The following LGALS2 variants were observed in gnomAD, a reference collection of about 807,000 sequenced individuals.
LGALS2 encodes the protein galectin 2.
LGALS2 carries 7 observed loss-of-function variants against 10.1 expected under a neutral mutation model. The ratio of observed to expected loss-of-function variants is 0.70; its 90% CI spans 0.40 to 1.31. LGALS2 has a LOEUF of 1.31. LGALS2 is among the 50% of genes most tolerant of loss of function. LGALS2 has a pLI of 0.01. For synonymous variants in LGALS2, 86 were observed against 64.2 expected (o/e 1.34, Z -1.63); for missense variants, 167 against 163.6 (o/e 1.02, Z -0.11).
intron 1 of LGALS2, 91 bp downstream of exon 1, chr22:37,579,809 G>T: frequency 7.4e-7 from 1 of 1,359,818 alleles, no homozygotes; most frequent in Non-Finnish European, 1.0e-6. Flanking sequence ...GGCCCAGAGA[G>T]GGACAGCAAT....
At chr22:37,579,396 C>T (rs1925783652) in intron 1 of LGALS2, among the ~76,000 whole-genome samples, 2 of 152,052 alleles carry the variant, frequency 1.3e-5, no homozygotes, top group African/African-American at 4.8e-5. Flanking sequence ...ATGATTGCCA[C>T]CACTGCACTC....
At chr22:37,574,697 G>A (rs913905876) in intron 1 of LGALS2, among the ~76,000 whole-genome samples, 8 of 151,952 alleles carry the variant, frequency 5.3e-5, no homozygotes, top group African/African-American at 1.7e-4. Flanking sequence ...TGCCCTGAAT[G>A]AGCTCATTGG....
Position 37,570,260 on chromosome 22 carries a change from C to G in LGALS2, c.*3G>C. On this transcript the variant is annotated 3_prime_UTR_variant, in exon 4 of 4. Coordinates refer to ENST00000215886, the MANE Select transcript of LGALS2 (RefSeq NM_006498.3). ...AGGACAGAGAATCTCGGCTGGAAGTCTTTTATTCTTTTAACTTGAAAGAGG... is the reference window on the plus strand; with the variant it reads ...AGGACAGAGAATCTCGGCTGGAAGTGTTTTATTCTTTTAACTTGAAAGAGG... 2 of 1,601,100 alleles carry G rather than the reference C, an allele frequency of 1.2e-6. No homozygotes were observed. Among genetic ancestry groups the G allele is most frequent in the Middle Eastern group, 1.7e-4 (1 of 6,010 alleles).
chr22:37,570,776 C>G, intron 2 of LGALS2, 41 bp from the exon 3 acceptor site: 1 of 1,612,900 alleles, frequency 6.2e-7, no homozygotes. Context: ...AGGGCTCAGG[C>G]CTGGATAAAG....
At chr22:37,577,343 C>T (rs1925716503) in intron 1 of LGALS2, among the ~76,000 whole-genome samples, 1 of 143,580 alleles carries the variant, frequency 7.0e-6, no homozygotes, top group African/African-American at 2.5e-5. Flanking sequence ...TGGAACCTGT[C>T]AATGTGACCT....
chr22:37,573,556 A>T (rs1038554392), intron 1 of LGALS2, among the ~76,000 whole-genome samples: 1 of 152,064 alleles, frequency 6.6e-6, no homozygotes, highest in East Asian at 1.9e-4. Flanking sequence ...TTGTTGCTGA[A>T]TGCCAGCTGT....
chr22:37,572,135 CCT>C (rs1419162289), intron 1 of LGALS2, among the ~76,000 whole-genome samples: 17 of 152,328 alleles, frequency 1.1e-4, no homozygotes, highest in Admixed American at 9.8e-4. Context: ...CACTCCCTGC[CCT>C]GTTTTGCTCT....
At chr22:37,571,155 C>G (rs775993904) in intron 2 of LGALS2, among the ~76,000 whole-genome samples, 1 of 152,172 alleles carries the variant, frequency 6.6e-6, no homozygotes, top group Non-Finnish European at 1.5e-5. Flanking sequence ...TGCAGGGTTC[C>G]TGAAAGTGGG....
chr22:37,572,962 T>C (rs1925549258), intron 1 of LGALS2, among the ~76,000 whole-genome samples: 1 of 146,122 alleles, frequency 6.8e-6, no homozygotes, highest in Admixed American at 6.8e-5. Flanking sequence ...CAAGAGTGAC[T>C]TTTCATCTCA....
chr22:37,573,730 G>GTT (rs11311539), intron 1 of LGALS2, among the ~76,000 whole-genome samples: 13 of 148,458 alleles, frequency 8.8e-5, no homozygotes, highest in African/African-American at 2.2e-4. Flanking sequence ...TTCTTTTTTT[G>GTT]TTTTTTTTTT....
At chr22:37,577,573 T>A (rs1925728515) in intron 1 of LGALS2, among the ~76,000 whole-genome samples, 1 of 151,200 alleles carries the variant, frequency 6.6e-6, no homozygotes, top group Non-Finnish European at 1.5e-5. Context: ...CAGACAGGGT[T>A]TCACCATGTT....
At chr22:37,575,735 G>A (rs1379599273) in intron 1 of LGALS2, among the ~76,000 whole-genome samples, 2 of 152,088 alleles carry the variant, frequency 1.3e-5, no homozygotes, top group Non-Finnish European at 2.9e-5. Flanking sequence ...GATTACAGGT[G>A]TAAGCCACTG....
At chr22:37,576,324 C>A (rs1019262637) in intron 1 of LGALS2, among the ~76,000 whole-genome samples, 1 of 151,696 alleles carries the variant, frequency 6.6e-6, no homozygotes, top group Non-Finnish European at 1.5e-5. Flanking sequence ...TGGTGGCAGG[C>A]GCCTGTAGTC....
chr22:37,579,314 G>C (rs951398128), intron 1 of LGALS2, among the ~76,000 whole-genome samples: 1 of 151,774 alleles, frequency 6.6e-6, no homozygotes, highest in Non-Finnish European at 1.5e-5. Flanking sequence ...GTGAGTGCCT[G>C]GGGTCCCAGC....
intron 1 of LGALS2, among the ~76,000 whole-genome samples, chr22:37,576,266 C>T (rs901892204): frequency 6.6e-6 from 1 of 151,912 alleles, no homozygotes; most frequent in Non-Finnish European, 1.5e-5. Flanking sequence ...TCCTGGCTAA[C>T]ACGGTGAAAC....
intron 1 of LGALS2, 65 bp from the exon 2 acceptor site, chr22:37,571,996 A>G: frequency 1.5e-6 from 2 of 1,362,728 alleles, no homozygotes; most frequent in Non-Finnish European, 2.1e-6. Flanking sequence ...CTTGCCCAGC[A>G]GCTTCATCCA....
Position 37,572,659 on chromosome 22 carries a change from C to T in LGALS2, c.7-728G>A, listed in dbSNP as rs113965755. Among the ~76,000 whole-genome samples the T allele has an allele frequency of 2.6e-4, 40 of 151,366 alleles. No homozygotes were observed. The South Asian group carries it at 6.9e-3, about 26-fold the overall frequency. On this transcript the variant is annotated intron_variant, in intron 1 of 3. Coordinates refer to ENST00000215886, the MANE Select transcript of LGALS2 (RefSeq NM_006498.3). ...GCAGGTGCCTGTAGTCCCAGCTACT[C>T]GGGAGGCTGAGGCAGGAGAATGGTG...
intron 2 of LGALS2, among the ~76,000 whole-genome samples, chr22:37,571,264 CTT>C (rs1287945424): frequency 6.6e-6 from 1 of 152,202 alleles, no homozygotes; most frequent in Admixed American, 6.5e-5. Flanking sequence ...AAATAAGTCA[CTT>C]TTCCCTTAGC....
chr22:37,574,397 TC>T (rs775121815), intron 1 of LGALS2, among the ~76,000 whole-genome samples: 5 of 151,040 alleles, frequency 3.3e-5, no homozygotes, highest in Non-Finnish European at 7.4e-5. Flanking sequence ...ATGCCTGTCG[TC>T]CCAGCTACTT....
Sources: gnomAD v4.1 joint callset for allele counts (sites outside exome capture counted in the v4.1 genomes callset) on GRCh38, gnomAD v4.1.1 for gene constraint, MANE v1.5 for transcripts, NCBI Gene and HGNC (gene_info 2026-07-23, HGNC 2026-07-21) for gene names.